Variants in CNTN4 observed in about 807,000 individuals in gnomAD.
CNTN4 encodes the protein contactin-4.
In CNTN4, 77 loss-of-function variants were observed where a neutral mutation model predicts 122.5. The observed-to-expected ratio is 0.63, with a 90% confidence interval of 0.52 to 0.76. CNTN4 has a LOEUF of 0.76. Among genes scored for constraint, CNTN4 ranks in the 30% least tolerant of loss-of-function variants. The pLI, the probability that CNTN4 is intolerant of heterozygous loss-of-function variation, is 0.00. For synonymous variants in CNTN4, 512 were observed against 447.0 expected (o/e 1.15, Z -1.83); for missense variants, 1,256 against 1,259.1 (o/e 1.00, Z 0.04).
At chr3:2,509,033 T>C (rs1203862211) in intron 3 of CNTN4, among the ~76,000 whole-genome samples, 4 of 152,352 alleles carry the variant, frequency 2.6e-5, no homozygotes, top group African/African-American at 9.6e-5. Context: ...AGTGAATCTA[T>C]TACATATCAT....
rs539320913 is a variant in CNTN4, at chr3:2,196,677, C to G, written c.-145+96038C>G. 1.5e-3 allele frequency among the ~76,000 whole-genome samples: 234 copies of G among 152,130 alleles called. 1 individual carries two copies. Among genetic ancestry groups the G allele is most frequent in the African/African-American group, 5.5e-3 (227 of 41,518 alleles). The stretch of plus-strand genomic sequence containing the variant: ...GCTGGAAGGCCGTTGGCTTTGTTGA[C>G]TGGGGTGTGTTATGTGTGAATCACT... On this transcript the variant is annotated intron_variant, in intron 2 of 24. Transcript: ENST00000418658.
chr3:2,600,562 G>C (rs1184208579), intron 4 of CNTN4, among the ~76,000 whole-genome samples: 1 of 152,110 alleles, frequency 6.6e-6, no homozygotes, highest in East Asian at 1.9e-4. Flanking sequence ...AGTATTCCAT[G>C]GTGTCTATGT....
chr3:2,237,670 T>C (rs1022343072), intron 2 of CNTN4, among the ~76,000 whole-genome samples: 21 of 150,646 alleles, frequency 1.4e-4, no homozygotes, highest in African/African-American at 5.2e-4. Flanking sequence ...AAATATTTTA[T>C]TTCTGGTCTA....
intron 3 of CNTN4, among the ~76,000 whole-genome samples, chr3:2,446,041 G>A (rs181482047): frequency 2.0e-5 from 3 of 152,150 alleles, no homozygotes; most frequent in African/African-American, 7.2e-5. Context: ...TGACTAGATG[G>A]ACAGATGAAT....
intron 2 of CNTN4, among the ~76,000 whole-genome samples, chr3:2,175,419 T>G (rs1194509871): frequency 6.6e-6 from 1 of 152,256 alleles, no homozygotes; most frequent in Non-Finnish European, 1.5e-5. Context: ...TGAGAAATTC[T>G]GTAGCACTTT....
At chr3:2,178,798 T>G (rs910578072) in intron 2 of CNTN4, among the ~76,000 whole-genome samples, 11 of 151,980 alleles carry the variant, frequency 7.2e-5, no homozygotes, top group African/African-American at 2.2e-4. Context: ...GCTACTAAGA[T>G]GCCTATAAAT....
chr3:2,505,737 T>C lies in CNTN4; in HGVS notation c.-88-65679T>C, dbSNP rs867723705. 3.3e-5 allele frequency among the ~76,000 whole-genome samples: 5 copies of C among 152,220 alleles called. No individual in the cohort carries two copies. The South Asian group carries it at 8.3e-4, about 25-fold the overall frequency. On this transcript the variant is annotated intron_variant, in intron 3 of 24. Coordinates refer to ENST00000418658, the MANE Select transcript of CNTN4 (RefSeq NM_175607.3). ...TTGCTTGCAATGTTACTACATCATA[T>C]AGATAAAAGAAGGTAGAAAGGTGTG...
intron 4 of CNTN4, among the ~76,000 whole-genome samples, chr3:2,661,667 C>T (rs2083900618): frequency 6.6e-6 from 1 of 151,764 alleles, no homozygotes; most frequent in Non-Finnish European, 1.5e-5. Flanking sequence ...ACAAAATTAA[C>T]CAGGCGTAGT....
chr3:2,972,983 A>T (rs1693077294), intron 13 of CNTN4, among the ~76,000 whole-genome samples: 1 of 151,922 alleles, frequency 6.6e-6, no homozygotes, highest in Non-Finnish European at 1.5e-5. Flanking sequence ...GCCCTTGTAG[A>T]TTTGGGCTAT....
chr3:2,126,919 C>G (rs900957136), intron 2 of CNTN4, among the ~76,000 whole-genome samples: 1 of 152,148 alleles, frequency 6.6e-6, no homozygotes, highest in African/African-American at 2.4e-5. Flanking sequence ...TGTGGCACAC[C>G]TGGACCTCAC....
At chr3:2,731,245 GATTTCC>G (rs1417593679) in intron 4 of CNTN4, among the ~76,000 whole-genome samples, 1 of 152,048 alleles carries the variant, frequency 6.6e-6, no homozygotes, top group Non-Finnish European at 1.5e-5. Flanking sequence ...ATAATCCAAA[GATTTCC>G]CACTCCTTGT....
At chr3:2,798,956 C>T (rs1157181917) in intron 6 of CNTN4, among the ~76,000 whole-genome samples, 1 of 152,118 alleles carries the variant, frequency 6.6e-6, no homozygotes, top group Non-Finnish European at 1.5e-5. Flanking sequence ...ACACTCCTAC[C>T]GATGGTATAT....
At position 2,835,137 on chromosome 3, in the gene CNTN4, T is replaced by A. The variant is rs562647227; in HGVS notation, c.454+15556T>A. 3.6e-3 allele frequency among the ~76,000 whole-genome samples: 540 copies of A among 151,700 alleles called. 3 individuals are homozygous for A. The highest frequency in any genetic ancestry group is 0.012 in the African/African-American group (506 of 41,390). On this transcript the variant is annotated intron_variant, in intron 7 of 24. Coordinates refer to ENST00000418658, the MANE Select transcript of CNTN4 (RefSeq NM_175607.3). ...AGCCAGGATGGTCTCGATCTCCTGA[T>A]CTCGCGATCCGCCCGCCTCAGCCTC...
chr3:2,950,144 T>A (rs2094723463), intron 13 of CNTN4, among the ~76,000 whole-genome samples: 1 of 152,222 alleles, frequency 6.6e-6, no homozygotes, highest in Admixed American at 6.5e-5. Context: ...CTCATGGAAT[T>A]AAAATGGATG....
rs534894043 is a variant in CNTN4 at position 2,255,978 on chromosome 3, T to TA, written c.-144-83192dup. On this transcript the variant is annotated intron_variant, in intron 2 of 24. Transcript: ENST00000418658. ...AGGAGATAGAGACATGAAAAACCCT[T>TA]AAAAAAAATCAATGAATCCAGGAGC... Among the ~76,000 whole-genome samples the TA allele has an allele frequency of 1.5e-3, 231 of 151,948 alleles. 1 individual carries two copies. The highest frequency in any genetic ancestry group is 5.2e-3 in the African/African-American group (216 of 41,460).
In CNTN4 at chr3:2,286,764, A is replaced by C. The variant is rs531935306; in HGVS notation, c.-144-52414A>C. Among the ~76,000 whole-genome samples, 7 of 152,332 alleles carry C rather than the reference A, an allele frequency of 4.6e-5. No homozygotes were observed. The East Asian group carries it at 1.4e-3, about 29-fold the overall frequency. On this transcript the variant is annotated intron_variant, in intron 2 of 24. Transcript: ENST00000418658. The stretch of plus-strand genomic sequence containing the variant: ...CTGGGCACCATATTTTCAAAGGGAC[A>C]TAAATGAACTAGAGAATGCTTAAAA...
chr3:3,036,488 C>T (rs540012296), intron 17 of CNTN4, among the ~76,000 whole-genome samples: 22 of 152,140 alleles, frequency 1.4e-4, no homozygotes, highest in African/African-American at 4.8e-4. Context: ...ATAGGCCAGG[C>T]GCAGTGGCTC....
chr3:2,473,219 A>G (rs6796313), intron 3 of CNTN4, among the ~76,000 whole-genome samples: 30,708 of 136,394 alleles, frequency 0.23, 3,595 homozygotes, highest in Middle Eastern at 0.28. Context: ...CAACAAGAGC[A>G]AAACTCCATC....
At chr3:3,003,063 T>C (rs148844069) in intron 14 of CNTN4, among the ~76,000 whole-genome samples, 108 of 152,234 alleles carry the variant, frequency 7.1e-4, no homozygotes, top group African/African-American at 2.4e-3. Context: ...ATGACATTGA[T>C]TTTACACAGT....
Sources: allele counts gnomAD v4.1 joint callset (sites outside exome capture counted in the v4.1 genomes callset), GRCh38; gene constraint gnomAD v4.1.1; transcripts MANE v1.5; gene names NCBI Gene and HGNC (gene_info 2026-07-23, HGNC 2026-07-21).